NEK10: variants seen among roughly 807,000 people sequenced by gnomAD.
NEK10 encodes the protein serine/threonine-protein kinase Nek10.
A neutral mutation model predicts 159.8 loss-of-function variants in NEK10; 122 were observed. The ratio of observed to expected loss-of-function variants is 0.76; its 90% CI spans 0.66 to 0.89. The LOEUF is 0.89. Ranked by LOEUF, NEK10 falls within the 40% of genes least tolerant of loss-of-function variation. NEK10 has a pLI of 0.00. For missense variants in NEK10, 1,342 were observed against 1,323.1 expected (o/e 1.01, Z -0.22); for synonymous variants, 466 against 457.1 (o/e 1.02, Z -0.25).
chr3:27,126,182 G>A (rs1367021986), intron 32 of NEK10, among the ~76,000 whole-genome samples: 2 of 152,158 alleles, frequency 1.3e-5, no homozygotes, highest in Non-Finnish European at 2.9e-5. Flanking sequence ...GGAATTAAAG[G>A]AAGTGCCAGC....
At chr3:27,178,178 T>G (rs1947718096) in intron 26 of NEK10, among the ~76,000 whole-genome samples, 1 of 152,242 alleles carries the variant, frequency 6.6e-6, no homozygotes, top group African/African-American at 2.4e-5. Flanking sequence ...TTGCGCATTA[T>G]AATGTAATAT....
intron 30 of NEK10, among the ~76,000 whole-genome samples, chr3:27,158,485 A>T (rs1261518777): frequency 6.6e-6 from 1 of 152,192 alleles, no homozygotes; most frequent in African/African-American, 2.4e-5. Flanking sequence ...GCAAAAAATA[A>T]AAAACATTGA....
intron 23 of NEK10, among the ~76,000 whole-genome samples, chr3:27,209,077 C>T (rs569802907): frequency 5.3e-4 from 80 of 152,018 alleles, no homozygotes; most frequent in African/African-American, 1.0e-3. Flanking sequence ...TGCTTTTGGA[C>T]GGCATCCAGC....
intron 30 of NEK10, among the ~76,000 whole-genome samples, chr3:27,158,647 A>G (rs1446901285): frequency 6.6e-6 from 1 of 152,232 alleles, no homozygotes; most frequent in Admixed American, 6.5e-5. Flanking sequence ...ACATCGGTTC[A>G]GCGCCTGGGT....
intron 31 of NEK10, among the ~76,000 whole-genome samples, chr3:27,132,770 G>T (rs11719250): frequency 0.36 from 54,981 of 151,974 alleles, 12,206 homozygotes; most frequent in East Asian, 0.74. Flanking sequence ...GATTAAAAGG[G>T]TCTCAGAGTG....
chr3:27,259,818 C>A (rs2040236629), intron 22 of NEK10, among the ~76,000 whole-genome samples: 1 of 152,076 alleles, frequency 6.6e-6, no homozygotes. Flanking sequence ...GCAGTATGGC[C>A]ATTTTCACAA....
intron 30 of NEK10, among the ~76,000 whole-genome samples, chr3:27,156,529 T>A (rs1945438983): frequency 6.6e-6 from 1 of 151,884 alleles, no homozygotes; most frequent in Admixed American, 6.6e-5. Context: ...GATACTCAAA[T>A]GACCAACGAA....
chr3:27,153,381 C>A (rs1559521887), intron 30 of NEK10, among the ~76,000 whole-genome samples: 1 of 150,042 alleles, frequency 6.7e-6, no homozygotes, highest in African/African-American at 2.4e-5. Context: ...TCCACTGACA[C>A]AATTAGACAG....
intron 23 of NEK10, among the ~76,000 whole-genome samples, chr3:27,244,169 CA>C (rs545720556): frequency 1.5e-3 from 233 of 152,298 alleles, no homozygotes; most frequent in African/African-American, 5.1e-3. Flanking sequence ...TGCTTTTCAC[CA>C]AATACGCTGA....
At chr3:27,302,489 G>A (rs1056469542) in intron 12 of NEK10, among the ~76,000 whole-genome samples, 1 of 151,342 alleles carries the variant, frequency 6.6e-6, no homozygotes, top group South Asian at 2.1e-4. Context: ...CCTTTTTTGT[G>A]TCCAAAAATT....
At chr3:27,148,678 T>G (rs1944538616) in intron 30 of NEK10, among the ~76,000 whole-genome samples, 1 of 152,204 alleles carries the variant, frequency 6.6e-6, no homozygotes, top group Non-Finnish European at 1.5e-5. Context: ...TTTTCGCTGT[T>G]AATTCAATTA....
intron 19 of NEK10, among the ~76,000 whole-genome samples, chr3:27,288,943 C>A (rs569604509): frequency 3.9e-5 from 6 of 152,264 alleles, no homozygotes; most frequent in Admixed American, 3.9e-4. Context: ...GAGAAGATTT[C>A]TCAGCCTCCC....
At position 27,369,175 on chromosome 3, in the gene NEK10, G is replaced by GA. The variant is rs2049329179; in HGVS notation, c.-38+49dup. ...CTGAGGACGTCTCCCCGGAGACCCT[G>GA]ACTCAAGCTGCTCGCCGGCACAGCC... On this transcript the variant is annotated intron_variant, in intron 1 of 35. Coordinates refer to ENST00000691995, the MANE Select transcript of NEK10 (RefSeq NM_001394966.1). This position sits in a 1 kb window ranked among gnomAD's most constrained non-coding sequence, Gnocchi z 4.2. 1.3e-5 allele frequency: 2 copies of GA among 152,274 alleles called. No homozygotes were observed. The highest frequency in any genetic ancestry group is 2.9e-5 in the Non-Finnish European group (2 of 68,116). 9.4% of individuals were successfully genotyped at this position (152,274 alleles called of 1,614,324 possible). A position where few individuals can be genotyped will look rare whatever the true frequency, so the allele number is the denominator to read the frequency against.
chr3:27,291,580 GA>G lies in NEK10; in HGVS notation c.1379del (p.Phe460SerfsTer12). 1.3e-6 allele frequency: 2 copies of G among 1,568,612 alleles called. No individual in the cohort carries two copies. The highest frequency in any genetic ancestry group is 1.8e-6 in the Non-Finnish European group (2 of 1,138,662). On this transcript the variant is annotated frameshift_variant, in exon 17 of 36. Coordinates refer to ENST00000691995, the MANE Select transcript of NEK10 (RefSeq NM_001394966.1). LOFTEE classifies it high-confidence loss of function. ...TGAAGATCTCAAACAAGTCTGTGGG[GA>G]AAAGTCTACAGAGAATATTACACAC... ...ERNRPLFKRL[F>X]PTDLFEIFID...
chr3:27,305,157 A>G (rs1338785905), intron 11 of NEK10, among the ~76,000 whole-genome samples, 186 bp from the exon 12 acceptor site: 2 of 152,204 alleles, frequency 1.3e-5, no homozygotes. Context: ...TAACTGTACA[A>G]TCTGTGTCAC....
At chr3:27,342,194 C>G (rs935412822) in intron 5 of NEK10, among the ~76,000 whole-genome samples, 1 of 151,946 alleles carries the variant, frequency 6.6e-6, no homozygotes, top group Admixed American at 6.6e-5. Flanking sequence ...TTTTGTTTAT[C>G]AAATTGAATC....
intron 29 of NEK10, among the ~76,000 whole-genome samples, chr3:27,168,715 G>A (rs1010510259): frequency 1.3e-5 from 2 of 152,144 alleles, no homozygotes; most frequent in African/African-American, 2.4e-5. Flanking sequence ...GGCATGTCAC[G>A]CTGTATTACC....
At chr3:27,137,122 C>T (rs1943296973) in intron 31 of NEK10, among the ~76,000 whole-genome samples, 1 of 152,032 alleles carries the variant, frequency 6.6e-6, no homozygotes, top group South Asian at 2.1e-4. Flanking sequence ...AGTTAAAGTT[C>T]CTCAAAGAGG....
chr3:27,252,297 A>G lies in NEK10; in HGVS notation c.2090+3999T>C, dbSNP rs368516027. On this transcript the variant is annotated intron_variant, in intron 23 of 35. Transcript: ENST00000691995. ...AAGTGATCAGGGAAATCCTCTCTACATAAGTGGCATTTAAGCAAAGAGCAG... is the reference window on the plus strand; with the variant it reads ...AAGTGATCAGGGAAATCCTCTCTACGTAAGTGGCATTTAAGCAAAGAGCAG... 5.7e-4 allele frequency: 265 copies of G among 462,790 alleles called. 2 individuals carry two copies. Among genetic ancestry groups the G allele is most frequent in the South Asian group, 4.0e-3 (256 of 64,030 alleles). 28.7% of individuals were successfully genotyped at this position (462,790 alleles called of 1,614,324 possible).
Sources: allele counts gnomAD v4.1 joint callset (sites outside exome capture counted in the v4.1 genomes callset), GRCh38; gene constraint gnomAD v4.1.1; non-coding constraint Gnocchi (gnomAD v3.1); transcripts MANE v1.5; gene names NCBI Gene and HGNC (gene_info 2026-07-23, HGNC 2026-07-21).